Variants in UBR1 observed in about 807,000 individuals in gnomAD.
The protein encoded by UBR1 is E3 ubiquitin-protein ligase UBR1.
UBR1 carries 102 observed loss-of-function variants against 242.1 expected under a neutral mutation model. That is an observed-to-expected ratio of 0.42 (90% confidence interval 0.36 to 0.50). The LOEUF is 0.50. Among genes scored for constraint, UBR1 ranks in the 20% least tolerant of loss-of-function variants. The pLI is 0.01. For missense variants in UBR1, 1,772 were observed against 2,101.8 expected (o/e 0.84, Z 3.07); for synonymous variants, 675 against 684.8 (o/e 0.99, Z 0.22).
At chr15:42,947,682 CAATTGCTTCAAAGAG>C (rs2031761036) in intron 46 of UBR1, among the ~76,000 whole-genome samples, 2 of 152,144 alleles carry the variant, frequency 1.3e-5, no homozygotes, top group Admixed American at 6.5e-5. Context: ...CTTCCATTCA[CAATTGCTTCAAAGAG>C]AATAAAATAC....
intron 15 of UBR1, among the ~76,000 whole-genome samples, chr15:43,041,588 T>G (rs1343748820): frequency 6.6e-6 from 1 of 151,868 alleles, no homozygotes; most frequent in African/African-American, 2.4e-5. Flanking sequence ...ACTTAAAGTA[T>G]AATTAAAAAA....
chr15:43,022,520 C>T (rs1222059869), intron 26 of UBR1, among the ~76,000 whole-genome samples, 182 bp downstream of exon 26: 1 of 150,824 alleles, frequency 6.6e-6, no homozygotes, highest in African/African-American at 2.4e-5. Context: ...TATTAGTATA[C>T]TTGAAAATAT....
intron 29 of UBR1, among the ~76,000 whole-genome samples, chr15:43,012,994 C>A (rs1229972365): frequency 6.6e-6 from 1 of 152,202 alleles, no homozygotes; most frequent in African/African-American, 2.4e-5. Flanking sequence ...CAACCCCTGG[C>A]TCCCAAGTTC....
intron 4 of UBR1, among the ~76,000 whole-genome samples, chr15:43,073,582 G>T (rs1466482405): frequency 5.3e-5 from 8 of 152,180 alleles, no homozygotes; most frequent in Non-Finnish European, 1.2e-4. Context: ...TTAATAGTAA[G>T]AAATTGATAG....
At chr15:42,991,810 A>G (rs1375003265) in intron 33 of UBR1, among the ~76,000 whole-genome samples, 1 of 151,960 alleles carries the variant, frequency 6.6e-6, no homozygotes, top group African/African-American at 2.4e-5. Context: ...GCATGATTAT[A>G]GCTCACTGTA....
intron 25 of UBR1, among the ~76,000 whole-genome samples, chr15:43,023,479 T>A (rs1596106345): frequency 6.6e-6 from 1 of 151,300 alleles, no homozygotes; most frequent in East Asian, 1.9e-4. Context: ...TAATCCCAGC[T>A]GCTTGGGAGG....
intron 19 of UBR1, among the ~76,000 whole-genome samples, chr15:43,034,882 C>A (rs1596111553): frequency 7.8e-6 from 1 of 128,244 alleles, no homozygotes. Flanking sequence ...AGCAAAACGC[C>A]ATCTCCAAAA....
intron 6 of UBR1, among the ~76,000 whole-genome samples, chr15:43,063,928 G>A (rs1477806162): frequency 6.6e-6 from 1 of 152,090 alleles, no homozygotes; most frequent in South Asian, 2.1e-4. Flanking sequence ...TAGGGACGGC[G>A]TTTCTCCATG....
intron 33 of UBR1, among the ~76,000 whole-genome samples, chr15:42,997,024 G>C (rs1327585274): frequency 6.6e-6 from 1 of 152,168 alleles, no homozygotes; most frequent in Non-Finnish European, 1.5e-5. Flanking sequence ...GGCCTGTTGG[G>C]AACCTTGGGA....
chr15:43,025,400 T>C lies in UBR1; in HGVS notation c.2565A>G (p.Lys855=). 6.2e-7 allele frequency: 1 copy of C among 1,608,850 alleles called. No individual in the cohort carries two copies. The highest frequency in any genetic ancestry group is 8.5e-7 in the Non-Finnish European group (1 of 1,177,400). The change falls in exon 24 of 47, where the codon AAA becomes AAG. Residue 855 remains lysine (K), a synonymous_variant. Coordinates refer to ENST00000290650, the MANE Select transcript of UBR1 (RefSeq NM_174916.3). ...KAEHMQKKRR[K]QENKDEALPP... The stretch of plus-strand genomic sequence containing the variant: ...TTTTACCTTCATCTTTGTTTTCTTG[T>C]TTTCTCCTTTTCTTCTGCATATGTT...
chr15:42,970,457 G>T, intron 40 of UBR1, 63 bp downstream of exon 40: 4 of 1,505,046 alleles, frequency 2.7e-6, no homozygotes, highest in Non-Finnish European at 3.7e-6. Context: ...ATGTTACGTT[G>T]CCAAACAACT....
chr15:43,091,155 C>T (rs1359712295), intron 1 of UBR1, among the ~76,000 whole-genome samples: 1 of 152,086 alleles, frequency 6.6e-6, no homozygotes, highest in South Asian at 2.1e-4. Flanking sequence ...TGAGGCTGGT[C>T]TTGAACTCCC....
intron 30 of UBR1, among the ~76,000 whole-genome samples, chr15:43,004,143 CTCTA>C (rs1213947581): frequency 1.3e-5 from 2 of 152,174 alleles, no homozygotes; most frequent in African/African-American, 4.8e-5. Flanking sequence ...GGATTAATAA[CTCTA>C]TCTTTGATTT....
chr15:43,053,208 T>C (rs976944285), intron 12 of UBR1, among the ~76,000 whole-genome samples: 2 of 152,188 alleles, frequency 1.3e-5, no homozygotes, highest in East Asian at 1.9e-4. Flanking sequence ...CCTTCCAAAC[T>C]AGACACCTTA....
At chr15:43,018,055 C>T (rs2033054216) in intron 27 of UBR1, among the ~76,000 whole-genome samples, 2 of 150,344 alleles carry the variant, frequency 1.3e-5, no homozygotes, top group Middle Eastern at 3.5e-3. Context: ...CAGGCTTGAG[C>T]GCAGTGGTGC....
At chr15:43,084,505 G>A (rs1344235597) in intron 2 of UBR1, among the ~76,000 whole-genome samples, 4 of 152,196 alleles carry the variant, frequency 2.6e-5, no homozygotes, top group Non-Finnish European at 5.9e-5. Flanking sequence ...TGCCCAGGCT[G>A]GAGTGCAGTG....
intron 19 of UBR1, among the ~76,000 whole-genome samples, chr15:43,034,323 G>A (rs1195348614): frequency 6.6e-6 from 1 of 151,046 alleles, no homozygotes; most frequent in Non-Finnish European, 1.5e-5. Context: ...ATCCCTGCAG[G>A]CCCAGCTATG....
chr15:43,053,361 TATAATACTTCACAGTAATGATAGCC>T lies in UBR1; in HGVS notation c.1439+1356_1439+1380del, dbSNP rs1273145686. 3.9e-5 allele frequency among the ~76,000 whole-genome samples: 6 copies of T among 152,330 alleles called. No individual in the cohort carries two copies. In the East Asian group the frequency reaches 1.2e-3, roughly 29 times the overall value. ...TAACTGGATATAAAAATAACTCAGT[TATAATACTTCACAGTAATGATAGCC>T]ATGGTAGAGAGATTTTTTTCTATAT... On this transcript the variant is annotated intron_variant, in intron 12 of 46. Coordinates refer to ENST00000290650, the MANE Select transcript of UBR1 (RefSeq NM_174916.3).
chr15:42,975,882 T>TA (rs1396407564), intron 39 of UBR1, among the ~76,000 whole-genome samples: 1 of 151,740 alleles, frequency 6.6e-6, no homozygotes, highest in Non-Finnish European at 1.5e-5. Context: ...CCCAGCTAAT[T>TA]AAAAAAAAAT....
Sources: allele counts gnomAD v4.1 joint callset (sites outside exome capture counted in the v4.1 genomes callset), GRCh38; gene constraint gnomAD v4.1.1; transcripts MANE v1.5; gene names NCBI Gene and HGNC (gene_info 2026-07-23, HGNC 2026-07-21).